The following SLC23A3 variants were observed in gnomAD, a reference collection of about 807,000 sequenced individuals.
SLC23A3 encodes solute carrier family 23 member 3.
A neutral mutation model predicts 64.7 loss-of-function variants in SLC23A3; 41 were observed. The ratio of observed to expected loss-of-function variants is 0.63; its 90% CI spans 0.49 to 0.82. The LOEUF is 0.82. Ranked by LOEUF, SLC23A3 falls within the 40% of genes least tolerant of loss-of-function variation. The pLI is 0.00. For missense variants in SLC23A3, 647 were observed against 733.4 expected (o/e 0.88, Z 1.36); for synonymous variants, 281 against 306.8 (o/e 0.92, Z 0.88).
chr2:219,166,532 A>T (rs1295352236), intron 7 of SLC23A3, among the ~76,000 whole-genome samples: 5 of 148,952 alleles, frequency 3.4e-5, no homozygotes, highest in African/African-American at 7.5e-5. Context: ...TTTTATTTTA[A>T]TTTATTTTAT....
intron 11 of SLC23A3, 29 bp from the exon 12 acceptor site, chr2:219,162,233 G>T (rs769548544): frequency 6.2e-7 from 1 of 1,612,904 alleles, no homozygotes; most frequent in African/African-American, 1.3e-5. Flanking sequence ...TCAGGCTATT[G>T]CCCATCCCAG....
Position 219,169,730 on chromosome 2 carries a change from CAAT to C in SLC23A3, c.163-55_163-53del. ...GTCTTCAGAGAAGTGGAAATACCTA[CAAT>C]ACTTCCAGAGGCTTTCACATGCCAC... On this transcript the variant is annotated intron_variant, in intron 1 of 11. Transcript: ENST00000409878. The surrounding 1 kb of genome is among the most constrained non-coding windows in gnomAD (Gnocchi z 4.5). 6.2e-7 allele frequency: 1 copy of C among 1,612,376 alleles called. No individual in the cohort carries two copies. The highest frequency in any genetic ancestry group is 8.5e-7 in the Non-Finnish European group (1 of 1,178,990).
At position 219,161,993 on chromosome 2, in the gene SLC23A3, C is replaced by T; in HGVS notation, c.1749G>A (p.Glu583=). ...GCAGCAAGTCTGCCATCTCTTCTGG[C>T]TCAGAGGAGCCTCCTTCCTCATCCC... ...DPGDEEGGSS[E]PEEMADLLPG... Residue 583 remains glutamate (E), a synonymous_variant, in exon 12 of 12, where the codon GAG becomes GAA. Transcript: ENST00000409878. 2 of 1,613,834 alleles carry T rather than the reference C, an allele frequency of 1.2e-6. No individual in the cohort carries two copies. The highest frequency in any genetic ancestry group is 1.3e-5 in the African/African-American group (1 of 75,044).
chr2:219,162,899 T>G (rs1206667980), intron 10 of SLC23A3, among the ~76,000 whole-genome samples: 1 of 152,194 alleles, frequency 6.6e-6, no homozygotes, highest in Non-Finnish European at 1.5e-5. Flanking sequence ...CTCCAGACAT[T>G]GCCAAATGTC....
At position 219,162,083 on chromosome 2, in the gene SLC23A3, G is replaced by T. The variant is rs376522486; in HGVS notation, c.1659C>A (p.Ile553=). Residue 553 remains isoleucine, a synonymous_variant, in exon 12 of 12, where the codon ATC becomes ATA. Transcript: ENST00000409878. ...GGGGGATGCAGGGACAGAGGTTTTG[G>T]ATGGGGAAAGGAAGTCTGTACACTT... ...AAQVYRLPFP[I]QNLCPCIPQP... is the part of the protein sequence containing the mutation. 2.4e-5 allele frequency: 39 copies of T among 1,614,098 alleles called. No individual in the cohort carries two copies. Among genetic ancestry groups the T allele is most frequent in the Admixed American group, 5.0e-5 (3 of 60,012 alleles).
At chr2:219,165,745 GT>G (rs2106377543) in intron 7 of SLC23A3, among the ~76,000 whole-genome samples, 1 of 152,360 alleles carries the variant, frequency 6.6e-6, no homozygotes, top group East Asian at 1.9e-4. Flanking sequence ...TGCATATGCA[GT>G]TTCCTGCAAC....
At position 219,169,969 on chromosome 2, in the gene SLC23A3, G is replaced by A. The variant is rs1360988347; in HGVS notation, c.16C>T (p.Leu6Phe). 3 of 1,613,870 alleles carry A rather than the reference G, an allele frequency of 1.9e-6. No individual in the cohort carries two copies. Among genetic ancestry groups the A allele is most frequent in the African/African-American group, 2.7e-5 (2 of 74,932 alleles). The change falls in exon 1 of 12, where the codon CTC becomes TTC. Residue 6 changes from leucine to phenylalanine, a missense_variant. Transcript: ENST00000409878. This position sits in a 1 kb window ranked among gnomAD's most constrained non-coding sequence, Gnocchi z 4.5. ...ACTGATCGGAGTTGGCTGGGATTGA[G>A]GGGTGATCGGCTCATGCTGCCTTGC... is the stretch of plus-strand genomic sequence containing the variant. Reference protein sequence around the residue: MSRSPLNPSQLRSVGS... With the variant: MSRSPFNPSQLRSVGS...
chr2:219,167,521 T>C (rs1181497592), intron 7 of SLC23A3, among the ~76,000 whole-genome samples: 1 of 134,538 alleles, frequency 7.4e-6, no homozygotes, highest in Admixed American at 8.7e-5. Context: ...CAGCATTTAA[T>C]CAAGCAGATC....
In SLC23A3 at chr2:219,169,934, C is replaced by T. The variant is rs1430425126; in HGVS notation, c.51G>A (p.Gln17=). The change falls in exon 1 of 12, where the codon CAG becomes CAA. Residue 17 remains glutamine (Q), a synonymous_variant. Coordinates refer to ENST00000409878, the MANE Select transcript of SLC23A3 (RefSeq NM_001144889.2). This position sits in a 1 kb window ranked among gnomAD's most constrained non-coding sequence, Gnocchi z 4.5. ...GTGGAGGCAAGGGGGCCAGGGCATC[C>T]TGGGAGCCCACTGATCGGAGTTGGC... ...NPSQLRSVGS[Q]DALAPLPPPA... 6.2e-7 allele frequency: 1 copy of T among 1,613,970 alleles called. No homozygotes were observed. The highest frequency in any genetic ancestry group is 2.2e-5 in the East Asian group (1 of 44,880).
In SLC23A3 at chr2:219,161,934, C is replaced by T. The variant is rs1320745878; in HGVS notation, c.1808G>A (p.Arg603Lys). 1.2e-5 allele frequency: 19 copies of T among 1,587,864 alleles called. No individual in the cohort carries two copies. The highest frequency in any genetic ancestry group is 1.5e-5 in the Non-Finnish European group (17 of 1,166,704). ...TCATTTCTGGGACCTAAACCCTTCT[C>T]TGCTAGATTCAGGGCATGGCTCCCC... Reference protein sequence around the residue: ...GSGEPCPESSREGFRSQK With the variant: ...GSGEPCPESSKEGFRSQK Residue 603 changes from arginine (R) to lysine (K), a missense_variant, in exon 12 of 12, where the codon AGA (arginine) becomes AAA (lysine). By Grantham distance (26) the Arg-to-Lys change is conservative (BLOSUM62 2). Coordinates refer to ENST00000409878, the MANE Select transcript of SLC23A3 (RefSeq NM_001144889.2).
chr2:219,168,594 C>T, intron 5 of SLC23A3, 58 bp downstream of exon 5: 2 of 1,542,260 alleles, frequency 1.3e-6, no homozygotes, highest in Non-Finnish European at 1.8e-6. Context: ...CTGCCCTCCC[C>T]TAGTCCCCCC....
At position 219,169,285 on chromosome 2, in the gene SLC23A3, C is replaced by T. The variant is rs1184720104; in HGVS notation, c.418+24G>A. On this transcript the variant is annotated intron_variant, in intron 3 of 11. Transcript: ENST00000409878. The surrounding 1 kb of genome is among the most constrained non-coding windows in gnomAD (Gnocchi z 4.5). ...GATGAGAACCCAGCCCCACCCTTAC[C>T]CCTTGCCCTTGCTCTGTGCTCACAG... 1 of 1,614,132 alleles carries T rather than the reference C, an allele frequency of 6.2e-7. No individual in the cohort carries two copies. Among genetic ancestry groups the T allele is most frequent in the East Asian group, 2.2e-5 (1 of 44,882 alleles).
Position 219,169,906 on chromosome 2 carries a change from C to G in SLC23A3, c.79G>C (p.Ala27Pro). 6.2e-6 allele frequency: 10 copies of G among 1,613,508 alleles called. No homozygotes were observed. The highest frequency in any genetic ancestry group is 8.5e-6 in the Non-Finnish European group (10 of 1,179,784). Residue 27 changes from alanine to proline, a missense_variant, in exon 1 of 12, where the codon GCT becomes CCT. Physicochemically the swap from Ala to Pro is conservative, Grantham distance 27 (BLOSUM62 -1). Transcript: ENST00000409878. This position sits in a 1 kb window ranked among gnomAD's most constrained non-coding sequence, Gnocchi z 4.5. Reference sequence around the variant, plus strand: ...GAGTGGGTGGAGGGATTCTGGGGAGCAGGTGGAGGCAAGGGGGCCAGGGCA... The same window carrying G: ...GAGTGGGTGGAGGGATTCTGGGGAGGAGGTGGAGGCAAGGGGGCCAGGGCA... ...QDALAPLPPP[A>P]PQNPSTHSWD... is the part of the protein sequence containing the mutation.
Position 219,168,633 on chromosome 2 carries a change from C to T in SLC23A3, c.674+19G>A. The stretch of plus-strand genomic sequence containing the variant: ...CACCCCCACTGGGCACCATCCCACG[C>T]CTCTCAGGACTCACGTACAGCAAGG... On this transcript the variant is annotated intron_variant, in intron 5 of 11. Coordinates refer to ENST00000409878, the MANE Select transcript of SLC23A3 (RefSeq NM_001144889.2). The T allele has an allele frequency of 6.2e-7, 1 of 1,611,666 alleles. No individual in the cohort carries two copies.
At chr2:219,165,105 G>A in intron 8 of SLC23A3, 64 bp downstream of exon 8, 2 of 1,528,040 alleles carry the variant, frequency 1.3e-6, no homozygotes, top group Non-Finnish European at 1.8e-6. Flanking sequence ...ATCGGTGTAA[G>A]TTCCTGTCCT....
In SLC23A3 at chr2:219,161,788, ACAGTCC is replaced by A. The variant is rs1949944832; in HGVS notation, c.*115_*120del. On this transcript the variant is annotated 3_prime_UTR_variant, in exon 12 of 12. Transcript: ENST00000409878. ...CCCTATTGGGAAATGGAACCTCTAG[ACAGTCC>A]CATGTAATACACACACACATATCCT... is the stretch of plus-strand genomic sequence containing the variant. The A allele has an allele frequency of 1.2e-5, 13 of 1,128,474 alleles. No individual in the cohort carries two copies. In the South Asian group the frequency reaches 2.2e-4, roughly 19 times the overall value. The allele number at this position is 1,128,474 out of a possible 1,614,324, so 69.9% of individuals were successfully genotyped here.
intron 4 of SLC23A3, 97 bp downstream of exon 4, chr2:219,168,932 C>T: frequency 6.4e-7 from 1 of 1,558,118 alleles, no homozygotes; most frequent in African/African-American, 1.4e-5. Flanking sequence ...CCTCCCAAAA[C>T]TCCTTTCCAG....
At position 219,164,959 on chromosome 2, in the gene SLC23A3, C is replaced by G. The variant is rs1317994670; in HGVS notation, c.1167+210G>C. 6.4e-6 allele frequency: 4 copies of G among 621,178 alleles called. No individual in the cohort carries two copies. In the East Asian group the frequency reaches 9.2e-5, roughly 14 times the overall value. 38.5% of individuals were successfully genotyped at this position (621,178 alleles called of 1,614,324 possible). A position where few individuals can be genotyped will look rare whatever the true frequency, so the allele number is the denominator to read the frequency against. ...TTATGTGACTGGTTCTTTGCCCTAG[C>G]CTTGATACAGTGCCTCATGCACAGG... On this transcript the variant is annotated intron_variant, in intron 8 of 11. Coordinates refer to ENST00000409878, the MANE Select transcript of SLC23A3 (RefSeq NM_001144889.2).
intron 10 of SLC23A3, 106 bp from the exon 11 acceptor site, chr2:219,162,500 CT>C: frequency 1.3e-6 from 1 of 772,940 alleles, no homozygotes; most frequent in Non-Finnish European, 2.2e-6. Context: ...AAGGACAGAT[CT>C]TTCTGAATTG....
Sources: allele counts gnomAD v4.1 joint callset (sites outside exome capture counted in the v4.1 genomes callset), GRCh38; gene constraint gnomAD v4.1.1; non-coding constraint Gnocchi (gnomAD v3.1); transcripts MANE v1.5; gene names NCBI Gene and HGNC (gene_info 2026-07-23, HGNC 2026-07-21).